Variants in HERC1 observed in about 807,000 individuals in gnomAD.
HERC1 encodes HECT and RLD domain containing E3 ubiquitin protein ligase family member 1, also known as probable E3 ubiquitin-protein ligase HERC1.
In HERC1, 160 loss-of-function variants were observed where a neutral mutation model predicts 554.3. The ratio of observed to expected loss-of-function variants is 0.29; its 90% CI spans 0.25 to 0.33. The LOEUF (loss-of-function observed/expected upper bound fraction) is 0.33, where lower values mean the gene tolerates loss of function less well. Among genes scored for constraint, HERC1 ranks in the 10% least tolerant of loss-of-function variants. HERC1 has a pLI of 1.00. For synonymous variants in HERC1, 2,175 were observed against 2,131.7 expected (o/e 1.02, Z -0.56); for missense variants, 4,919 against 5,918.5 (o/e 0.83, Z 5.54).
At chr15:63,637,849 T>A (rs1186342705) in intron 63 of HERC1, among the ~76,000 whole-genome samples, 1 of 152,164 alleles carries the variant, frequency 6.6e-6, no homozygotes, top group Non-Finnish European at 1.5e-5. Flanking sequence ...TGTATGAGAT[T>A]CATCCATTTA....
Position 63,833,946 on chromosome 15 carries a change from G to A in HERC1, c.-146C>T, listed in dbSNP as rs529671496. The A allele has an allele frequency of 1.9e-4, 29 of 153,228 alleles. No individual in the cohort carries two copies. The highest frequency in any genetic ancestry group is 6.7e-4 in the African/African-American group (28 of 41,568). 9.5% of individuals were successfully genotyped at this position (153,228 alleles called of 1,614,324 possible). A position where few individuals can be genotyped will look rare whatever the true frequency, so the allele number is the denominator to read the frequency against. On this transcript the variant is annotated 5_prime_UTR_variant, in exon 1 of 78. Coordinates refer to ENST00000443617, the MANE Select transcript of HERC1 (RefSeq NM_003922.4). ...GCAGCAGCGACTTGTCAAAGGGAAA[G>A]ACGTAAGAGGCGGCGGCAGCAGCGG... is the stretch of plus-strand genomic sequence containing the variant.
chr15:63,769,155 C>T (rs145989988), intron 2 of HERC1, among the ~76,000 whole-genome samples: 2,042 of 152,312 alleles, frequency 0.013, 23 homozygotes, highest in East Asian at 0.027. Context: ...CAGTGGTTCA[C>T]GCCTGTAATC....
chr15:63,714,228 T>G (rs937233152), intron 22 of HERC1, among the ~76,000 whole-genome samples: 1 of 152,194 alleles, frequency 6.6e-6, no homozygotes. Flanking sequence ...ATTTAAGTTA[T>G]ATTAGTTACA....
At position 63,663,613 on chromosome 15, in the gene HERC1, C is replaced by T. The variant is rs555470043; in HGVS notation, c.8681-409G>A. ...AGGACTACAGGCACATGCCACCATACCCAGCTAACCGTTTTTTAATTTTTT... is the reference window on the plus strand; with the variant it reads ...AGGACTACAGGCACATGCCACCATATCCAGCTAACCGTTTTTTAATTTTTT... On this transcript the variant is annotated intron_variant, in intron 43 of 77. Transcript: ENST00000443617. Among the ~76,000 whole-genome samples the T allele has an allele frequency of 2.0e-5, 3 of 152,280 alleles. No individual in the cohort carries two copies. The South Asian group carries it at 6.2e-4, about 32-fold the overall frequency.
At chr15:63,792,558 T>A (rs973934951) in intron 1 of HERC1, among the ~76,000 whole-genome samples, 1 of 152,178 alleles carries the variant, frequency 6.6e-6, no homozygotes, top group Admixed American at 6.5e-5. Context: ...ACTCCTACAA[T>A]TTTGGCATTT....
At chr15:63,610,945 C>T (rs1230886419) in intron 77 of HERC1, among the ~76,000 whole-genome samples, 1 of 152,124 alleles carries the variant, frequency 6.6e-6, no homozygotes, top group Non-Finnish European at 1.5e-5. Context: ...ACCCAGTGTT[C>T]AGGAGGTGGA....
In HERC1 at chr15:63,694,585, C is replaced by T. The variant is rs2072296593; in HGVS notation, c.5243-36G>A. ...AAGAGACAGTTAAGAATCTTCCTTT[C>T]AGTAAACAAAGCATTTATTAAAATG... On this transcript the variant is annotated intron_variant, in intron 28 of 77. Transcript: ENST00000443617. The surrounding 1 kb of genome is among the most constrained non-coding windows in gnomAD (Gnocchi z 4.3). 1 of 1,554,050 alleles carries T rather than the reference C, an allele frequency of 6.4e-7. No individual in the cohort carries two copies. The highest frequency in any genetic ancestry group is 8.9e-7 in the Non-Finnish European group (1 of 1,127,806).
At chr15:63,832,166 T>C (rs1240704528) in intron 1 of HERC1, among the ~76,000 whole-genome samples, 1 of 152,204 alleles carries the variant, frequency 6.6e-6, no homozygotes, top group Non-Finnish European at 1.5e-5. Flanking sequence ...GGGGGAAATA[T>C]TATGACTGTT....
chr15:63,735,503 C>G (rs1003989947), intron 12 of HERC1, among the ~76,000 whole-genome samples: 4 of 149,982 alleles, frequency 2.7e-5, no homozygotes, highest in Admixed American at 2.7e-4. Flanking sequence ...ATGTAACTAA[C>G]GTGCACATTG....
intron 13 of HERC1, among the ~76,000 whole-genome samples, chr15:63,733,517 A>G (rs2074380279): frequency 6.6e-6 from 1 of 152,210 alleles, no homozygotes; most frequent in African/African-American, 2.4e-5. Flanking sequence ...AATGTTCAAA[A>G]TAAATCACTT....
intron 34 of HERC1, among the ~76,000 whole-genome samples, chr15:63,681,866 C>G (rs1247079673): frequency 6.6e-6 from 1 of 152,162 alleles, no homozygotes; most frequent in African/African-American, 2.4e-5. Context: ...AGAAGGAAGC[C>G]TACAGGATTC....
At chr15:63,827,929 A>C (rs1397358428) in intron 1 of HERC1, among the ~76,000 whole-genome samples, 1 of 152,226 alleles carries the variant, frequency 6.6e-6, no homozygotes, top group Non-Finnish European at 1.5e-5. Context: ...AAACATCCAG[A>C]ATAGGCAAAC....
chr15:63,719,911 A>G (rs568552860), intron 19 of HERC1, among the ~76,000 whole-genome samples: 2 of 152,244 alleles, frequency 1.3e-5, no homozygotes, highest in Admixed American at 6.5e-5. Flanking sequence ...ATTCTAGAGG[A>G]GATAGTGAGT....
chr15:63,737,938 T>C (rs749922055), intron 12 of HERC1, among the ~76,000 whole-genome samples: 26 of 152,214 alleles, frequency 1.7e-4, no homozygotes, highest in Non-Finnish European at 3.1e-4. Context: ...GCCTAAACCA[T>C]TCATGAAGAT....
In HERC1 at chr15:63,661,742, T is replaced by A. The variant is rs2070371406; in HGVS notation, c.9170+11A>T. The stretch of plus-strand genomic sequence containing the variant: ...TCAGGAGGTCTGGATATCTACACAA[T>A]TTCAAGGTACCTTTCAGAACTTGTT... On this transcript the variant is annotated intron_variant, in intron 45 of 77. Coordinates refer to ENST00000443617, the MANE Select transcript of HERC1 (RefSeq NM_003922.4). 2 of 1,613,240 alleles carry A rather than the reference T, an allele frequency of 1.2e-6. No homozygotes were observed. Among genetic ancestry groups the A allele is most frequent in the African/African-American group, 2.7e-5 (2 of 74,924 alleles).
chr15:63,666,277 C>T, intron 41 of HERC1, 79 bp downstream of exon 41: 1 of 1,379,910 alleles, frequency 7.2e-7, no homozygotes, highest in Non-Finnish European at 1.0e-6. Flanking sequence ...AGTTTCATAG[C>T]CTCTTAAAAG....
chr15:63,727,604 T>G lies in HERC1; in HGVS notation c.3346+43A>C. 1 of 1,467,160 alleles carries G rather than the reference T, an allele frequency of 6.8e-7. No homozygotes were observed. The highest frequency in any genetic ancestry group is 9.3e-7 in the Non-Finnish European group (1 of 1,069,936). The allele number at this position is 1,467,160 out of a possible 1,614,324, so 90.9% of individuals were successfully genotyped here. A position where few individuals can be genotyped will look rare whatever the true frequency, so the allele number is the denominator to read the frequency against. On this transcript the variant is annotated intron_variant, in intron 17 of 77. Transcript: ENST00000443617. The surrounding 1 kb of genome is among the most constrained non-coding windows in gnomAD (Gnocchi z 4.3). Reference sequence around the variant, plus strand: ...CAGTGATGTGTGCAAGAGGAACAACTTTTCTCAAAGGCATTATTTGCTCTT... The same window carrying G: ...CAGTGATGTGTGCAAGAGGAACAACGTTTCTCAAAGGCATTATTTGCTCTT...
chr15:63,622,742 T>C lies in HERC1; in HGVS notation c.13688+73A>G, dbSNP rs1235688800. ...AGCACTTAAAACAGGACCTGGTACA[T>C]AGTAAGCACTCAATAAATGTGAGCT... On this transcript the variant is annotated intron_variant, in intron 74 of 77. Coordinates refer to ENST00000443617, the MANE Select transcript of HERC1 (RefSeq NM_003922.4). The C allele has an allele frequency of 3.4e-6, 4 of 1,162,390 alleles. No homozygotes were observed. The South Asian group carries it at 4.4e-5, about 13-fold the overall frequency. 72.0% of individuals were successfully genotyped at this position (1,162,390 alleles called of 1,614,324 possible).
chr15:63,677,089 G>A lies in HERC1; in HGVS notation c.7070+756C>T, dbSNP rs573474055. ...AATCCAAAAATCCCAAATCTGAAATGCTCCAATGGGCAACTCCTTTGAGTG... is the reference window on the plus strand; with the variant it reads ...AATCCAAAAATCCCAAATCTGAAATACTCCAATGGGCAACTCCTTTGAGTG... On this transcript the variant is annotated intron_variant, in intron 37 of 77. Transcript: ENST00000443617. This position sits in a 1 kb window ranked among gnomAD's most constrained non-coding sequence, Gnocchi z 4.4. Among the ~76,000 whole-genome samples, 1 of 152,254 alleles carries A rather than the reference G, an allele frequency of 6.6e-6. No homozygotes were observed. The highest frequency in any genetic ancestry group is 1.9e-4 in the East Asian group (1 of 5,164).
Sources: allele counts gnomAD v4.1 joint callset (sites outside exome capture counted in the v4.1 genomes callset), GRCh38; gene constraint gnomAD v4.1.1; non-coding constraint Gnocchi (gnomAD v3.1); transcripts MANE v1.5; gene names NCBI Gene and HGNC (gene_info 2026-07-23, HGNC 2026-07-21).